POU6F2: variants seen among roughly 807,000 people sequenced by gnomAD.
POU6F2 encodes POU domain, class 6, transcription factor 2.
Under a neutral mutation model 71.3 loss-of-function variants are expected in POU6F2, and 31 were observed. The observed-to-expected ratio is 0.43, with a 90% CI of 0.33 to 0.59. The LOEUF (loss-of-function observed/expected upper bound fraction) is 0.59, where lower values mean the gene tolerates loss of function less well. Among genes scored for constraint, POU6F2 ranks in the 20% least tolerant of loss-of-function variants. The pLI is 0.04. For missense variants in POU6F2, 783 were observed against 856.8 expected (o/e 0.91, Z 1.07); for synonymous variants, 347 against 355.7 (o/e 0.98, Z 0.27).
intron 7 of POU6F2, among the ~76,000 whole-genome samples, chr7:39,446,534 A>G (rs1335503795): frequency 6.6e-6 from 1 of 152,264 alleles, no homozygotes; most frequent in African/African-American, 2.4e-5. Flanking sequence ...ACCGCATAAC[A>G]CACAGAAGAT....
intron 6 of POU6F2, among the ~76,000 whole-genome samples, chr7:39,413,447 G>A (rs1228161944): frequency 6.6e-6 from 1 of 152,096 alleles, no homozygotes; most frequent in Non-Finnish European, 1.5e-5. Context: ...ATGTTTTGTT[G>A]AAAATTCAGA....
At chr7:39,290,756 GTCC>G (rs1784739380) in intron 4 of POU6F2, among the ~76,000 whole-genome samples, 1 of 152,084 alleles carries the variant, frequency 6.6e-6, no homozygotes, top group Non-Finnish European at 1.5e-5. Flanking sequence ...GTGACTACCT[GTCC>G]TCCTTCAGGG....
At chr7:39,388,756 T>C (rs891246021) in intron 5 of POU6F2, among the ~76,000 whole-genome samples, 2 of 152,252 alleles carry the variant, frequency 1.3e-5, no homozygotes, top group Non-Finnish European at 2.9e-5. Context: ...CAAGTGCGTC[T>C]ATCTATTCTG....
intron 7 of POU6F2, among the ~76,000 whole-genome samples, chr7:39,440,780 C>T (rs1272479884): frequency 2.0e-5 from 3 of 152,152 alleles, no homozygotes; most frequent in African/African-American, 7.2e-5. Flanking sequence ...TTTGGGTTTT[C>T]AGCATTTTTT....
intron 5 of POU6F2, 99 bp downstream of exon 5, chr7:39,340,114 C>T: frequency 7.0e-7 from 1 of 1,423,348 alleles, no homozygotes; most frequent in Admixed American, 2.4e-5. Context: ...CAAAACTTAG[C>T]ATCCAGTTCT....
At chr7:39,000,361 C>G (rs1788867285) in intron 1 of POU6F2, among the ~76,000 whole-genome samples, 1 of 152,178 alleles carries the variant, frequency 6.6e-6, no homozygotes, top group Non-Finnish European at 1.5e-5. Flanking sequence ...AAGGCTTTTA[C>G]TTCTAGCGAT....
At chr7:39,311,367 C>T (rs1032431205) in intron 4 of POU6F2, among the ~76,000 whole-genome samples, 3 of 152,018 alleles carry the variant, frequency 2.0e-5, no homozygotes, top group African/African-American at 7.3e-5. Context: ...CTCATCACCT[C>T]ACCCTGCCAC....
chr7:39,017,648 C>T (rs1789588275), intron 1 of POU6F2, among the ~76,000 whole-genome samples: 1 of 152,146 alleles, frequency 6.6e-6, no homozygotes, highest in Admixed American at 6.5e-5. Flanking sequence ...CCCCCTTATC[C>T]ACCCTGGGGT....
intron 5 of POU6F2, among the ~76,000 whole-genome samples, chr7:39,345,453 T>G (rs1381588932): frequency 1.3e-5 from 2 of 152,188 alleles, no homozygotes; most frequent in African/African-American, 4.8e-5. Flanking sequence ...GAAAAACAAA[T>G]GCATGTTGGA....
intron 5 of POU6F2, among the ~76,000 whole-genome samples, chr7:39,405,429 T>G (rs1787402392): frequency 6.6e-6 from 1 of 152,186 alleles, no homozygotes; most frequent in African/African-American, 2.4e-5. Context: ...TTGAATTAGG[T>G]ATGGCATTAA....
intron 2 of POU6F2, among the ~76,000 whole-genome samples, chr7:39,131,907 G>T (rs896561172): frequency 1.3e-5 from 2 of 151,884 alleles, no homozygotes; most frequent in South Asian, 2.1e-4. Context: ...TCTTTATGGG[G>T]TGCATAAGAT....
chr7:39,432,779 C>T (rs1340031451), intron 6 of POU6F2, among the ~76,000 whole-genome samples: 1 of 152,180 alleles, frequency 6.6e-6, no homozygotes, highest in East Asian at 1.9e-4. Flanking sequence ...TGAGAGAAAG[C>T]AGATGTCAGA....
chr7:39,419,050 T>C (rs1237653767), intron 6 of POU6F2, among the ~76,000 whole-genome samples: 2 of 145,906 alleles, frequency 1.4e-5, no homozygotes, highest in South Asian at 2.1e-4. Flanking sequence ...TATATATGTA[T>C]ACACATATAT....
At chr7:39,314,989 C>T (rs190330361) in intron 4 of POU6F2, among the ~76,000 whole-genome samples, 3 of 152,326 alleles carry the variant, frequency 2.0e-5, no homozygotes, top group Admixed American at 1.3e-4. Flanking sequence ...ACTTCAACCT[C>T]TGTGGTCTTA....
Position 39,092,584 on chromosome 7 carries a change from A to G in POU6F2, c.277+6553A>G, listed in dbSNP as rs181412432. On this transcript the variant is annotated intron_variant, in intron 2 of 9. Coordinates refer to ENST00000518318, the MANE Select transcript of POU6F2 (RefSeq NM_001370959.1). ...TGGGCTTTTCTTTGGGAATACCTTCAAGTAATATTTATTCATAAAGGAGTA... is the reference window on the plus strand; with the variant it reads ...TGGGCTTTTCTTTGGGAATACCTTCGAGTAATATTTATTCATAAAGGAGTA... 2.5e-3 allele frequency among the ~76,000 whole-genome samples: 376 copies of G among 152,250 alleles called. 2 individuals carry two copies. The highest frequency in any genetic ancestry group is 4.1e-3 in the Non-Finnish European group (279 of 68,010).
intron 2 of POU6F2, among the ~76,000 whole-genome samples, chr7:39,106,602 C>T (rs1791692946): frequency 6.6e-6 from 1 of 152,078 alleles, no homozygotes; most frequent in Non-Finnish European, 1.5e-5. Flanking sequence ...AAATTAAACT[C>T]CTATTATTGG....
intron 1 of POU6F2, among the ~76,000 whole-genome samples, chr7:39,027,754 A>T (rs1158889415): frequency 2.0e-5 from 3 of 152,200 alleles, no homozygotes; most frequent in African/African-American, 7.2e-5. Flanking sequence ...CTCGTGCTCC[A>T]TCTAGAAAAA....
Position 39,468,160 on chromosome 7 carries a change from G to A in POU6F2, c.*3474G>A, listed in dbSNP as rs763619955. The A allele has an allele frequency of 4.6e-5, 7 of 151,694 alleles. No individual in the cohort carries two copies. The highest frequency in any genetic ancestry group is 1.0e-4 in the Non-Finnish European group (7 of 67,950). 9.4% of individuals were successfully genotyped at this position (151,694 alleles called of 1,614,324 possible). A position where few individuals can be genotyped will look rare whatever the true frequency, so the allele number is the denominator to read the frequency against. ...TTGTCTTCAACTTGAAATTATGTGAGGCACATTTGTTTATTTGTTGTTAAG... is the reference window on the plus strand; with the variant it reads ...TTGTCTTCAACTTGAAATTATGTGAAGCACATTTGTTTATTTGTTGTTAAG... On this transcript the variant is annotated 3_prime_UTR_variant, in exon 10 of 10. Transcript: ENST00000518318.
At chr7:39,260,391 A>G (rs1784111576) in intron 4 of POU6F2, among the ~76,000 whole-genome samples, 2 of 150,948 alleles carry the variant, frequency 1.3e-5, no homozygotes, top group Admixed American at 6.6e-5. Context: ...CCTTGCTCAC[A>G]CCACACACAC....
Sources: gnomAD v4.1 joint callset for allele counts (sites outside exome capture counted in the v4.1 genomes callset) on GRCh38, gnomAD v4.1.1 for gene constraint, MANE v1.5 for transcripts, NCBI Gene and HGNC (gene_info 2026-07-23, HGNC 2026-07-21) for gene names.